THEMIS2: variants seen among roughly 807,000 people sequenced by gnomAD.
THEMIS2 encodes protein THEMIS2.
Under a neutral mutation model 46.8 loss-of-function variants are expected in THEMIS2, and 29 were observed. The ratio of observed to expected loss-of-function variants is 0.62; its 90% confidence interval spans 0.46 to 0.84. THEMIS2 has a LOEUF of 0.84. THEMIS2 is among the 40% of genes least tolerant of loss of function. THEMIS2 has a pLI of 0.00. For missense variants in THEMIS2, 698 were observed against 834.7 expected, an observed-to-expected ratio of 0.84 and a Z score of 2.02; for synonymous variants, 335 against 349.1, an observed-to-expected ratio of 0.96 and a Z score of 0.45.
Position 27,885,962 on chromosome 1 carries a change from G to A in THEMIS2, c.*40G>A. The A allele has an allele frequency of 6.2e-7, 1 of 1,601,248 alleles. No individual in the cohort carries two copies. The highest frequency in any genetic ancestry group is 1.1e-5 in the South Asian group (1 of 90,764). ...ACGCTTCCTAACTGCTGCTTCTCAG[G>A]GAATCCGACACCAGCCAACCATTTT... On this transcript the variant is annotated 3_prime_UTR_variant, in exon 6 of 6. Transcript: ENST00000373921.
In THEMIS2 at chr1:27,882,539, TGAG is replaced by T; in HGVS notation, c.1221_1223del (p.Glu409del). The T allele has an allele frequency of 6.2e-7, 1 of 1,613,850 alleles. No individual in the cohort carries two copies. The highest frequency in any genetic ancestry group is 8.5e-7 in the Non-Finnish European group (1 of 1,179,928). On this transcript the variant is annotated inframe_deletion, in exon 4 of 6. Coordinates refer to ENST00000373921, the MANE Select transcript of THEMIS2 (RefSeq NM_001105556.3). This position sits in a 1 kb window ranked among gnomAD's most constrained non-coding sequence, Gnocchi z 7.6. Reference sequence around the variant, plus strand: ...GGCTGAGTGACCAGGCTGGGGAGGATGAGGAGGAAGAGTGCAAAGAGGAGGCAG... The same window carrying T: ...GGCTGAGTGACCAGGCTGGGGAGGATGAGGAAGAGTGCAAAGAGGAGGCAG...
intron 1 of THEMIS2, among the ~76,000 whole-genome samples, chr1:27,874,542 G>A (rs1052727772): frequency 6.6e-6 from 1 of 151,984 alleles, no homozygotes; most frequent in African/African-American, 2.4e-5. Flanking sequence ...AGCACTTTGG[G>A]AGGCTGAGGC....
At position 27,879,652 on chromosome 1, in the gene THEMIS2, A is replaced by AC; in HGVS notation, c.250dup (p.Leu84ProfsTer8). On this transcript the variant is annotated frameshift_variant, in exon 3 of 6. Transcript: ENST00000373921. LOFTEE classifies it high-confidence loss of function. ...TCTGCTGTCCCCCACAGGCTACTTC[A>AC]CCCCCCTCAACACCCCACAGAGCTA... The AC allele has an allele frequency of 6.3e-7, 1 of 1,588,772 alleles. No homozygotes were observed. Among genetic ancestry groups the AC allele is most frequent in the Non-Finnish European group, 8.6e-7 (1 of 1,164,586 alleles).
Position 27,885,348 on chromosome 1 carries a change from G to A in THEMIS2, c.1773G>A (p.Ala591=), listed in dbSNP as rs149827349. 360 of 1,614,150 alleles carry A rather than the reference G, an allele frequency of 2.2e-4. 2 individuals are homozygous for A. The Middle Eastern group carries it at 6.4e-3, about 29-fold the overall frequency. Residue 591 remains alanine, a synonymous_variant, in exon 5 of 6, where the codon GCG becomes GCA. Coordinates refer to ENST00000373921, the MANE Select transcript of THEMIS2 (RefSeq NM_001105556.3). ...QQHARLPKPK[A]KTLPEFIKDG... is the part of the protein sequence containing the mutation. ...ACGCTCGGCTGCCCAAACCCAAGGC[G>A]AAGACCTTGCCAGAGTTCATCAAGG...
Position 27,872,700 on chromosome 1 carries a change from T to G in THEMIS2, c.94+35T>G, listed in dbSNP as rs895893951. 1 of 1,269,888 alleles carries G rather than the reference T, an allele frequency of 7.9e-7. No homozygotes were observed. The highest frequency in any genetic ancestry group is 1.5e-5 in the African/African-American group (1 of 64,578). 78.7% of individuals were successfully genotyped at this position (1,269,888 alleles called of 1,614,324 possible). A position where few individuals can be genotyped will look rare whatever the true frequency, so the allele number is the denominator to read the frequency against. ...GGCTGGAACCCCTCCGAGCACTCCCTTGGTGTGGGGCGGGGGCAGAGACCC... is the reference window on the plus strand; with the variant it reads ...GGCTGGAACCCCTCCGAGCACTCCCGTGGTGTGGGGCGGGGGCAGAGACCC... On this transcript the variant is annotated intron_variant, in intron 1 of 5. Coordinates refer to ENST00000373921, the MANE Select transcript of THEMIS2 (RefSeq NM_001105556.3). This position sits in a 1 kb window ranked among gnomAD's most constrained non-coding sequence, Gnocchi z 4.9.
chr1:27,883,901 G>C (rs1165934223), intron 4 of THEMIS2: 2 of 152,236 alleles, frequency 1.3e-5, no homozygotes, highest in Non-Finnish European at 2.9e-5. Context: ...AGGCCAGAGA[G>C]GACCTGCTAA....
chr1:27,876,029 G>A, intron 1 of THEMIS2, among the ~76,000 whole-genome samples: 1 of 152,002 alleles, frequency 6.6e-6, no homozygotes, highest in East Asian at 1.9e-4. Context: ...AACCAGGAAA[G>A]CAGAACTTTG....
Position 27,882,951 on chromosome 1 carries a change from C to T in THEMIS2, c.1627C>T (p.Pro543Ser). 6.2e-7 allele frequency: 1 copy of T among 1,613,814 alleles called. No individual in the cohort carries two copies. Among genetic ancestry groups the T allele is most frequent in the South Asian group, 1.1e-5 (1 of 91,042 alleles). ...CTTCTATTATCGTCTTCGGAAGTTA[C>T]CAGCCTGTGAGATCCAAGCCCCCCC... is the stretch of plus-strand genomic sequence containing the variant. ...DTFYYRLRKL[P>S]ACEIQAPPPR... The change falls in exon 4 of 6, where the codon CCA becomes TCA. Residue 543 changes from proline to serine, a missense_variant. Transcript: ENST00000373921. The surrounding 1 kb of genome is among the most constrained non-coding windows in gnomAD (Gnocchi z 7.6).
Position 27,872,598 on chromosome 1 carries a change from C to T in THEMIS2, c.27C>T (p.Phe9=). 6.7e-7 allele frequency: 1 copy of T among 1,489,742 alleles called. No homozygotes were observed. The highest frequency in any genetic ancestry group is 8.9e-7 in the Non-Finnish European group (1 of 1,121,572). 92.3% of individuals were successfully genotyped at this position (1,489,742 alleles called of 1,614,324 possible). A position where few individuals can be genotyped will look rare whatever the true frequency, so the allele number is the denominator to read the frequency against. ...TGGAGCCGGTGCCGCTGCAGGACTT[C>T]GTGCGCGCCTTGGACCCCGCCTCCC... MEPVPLQD[F]VRALDPASLP... The change falls in exon 1 of 6, where the codon TTC becomes TTT. Residue 9 remains phenylalanine, a synonymous_variant. Transcript: ENST00000373921. The surrounding 1 kb of genome is among the most constrained non-coding windows in gnomAD (Gnocchi z 4.9).
At position 27,885,939 on chromosome 1, in the gene THEMIS2, G is replaced by A. The variant is rs76203832; in HGVS notation, c.*17G>A. ...ACCATCTAAGTGCTGGAGGAACCACGCTTCCTAACTGCTGCTTCTCAGGGA... is the reference window on the plus strand; with the variant it reads ...ACCATCTAAGTGCTGGAGGAACCACACTTCCTAACTGCTGCTTCTCAGGGA... On this transcript the variant is annotated 3_prime_UTR_variant, in exon 6 of 6. Transcript: ENST00000373921. 2.7e-3 allele frequency: 4,378 copies of A among 1,613,194 alleles called. 95 individuals carry two copies. In the African/African-American group the frequency reaches 0.049, roughly 18 times the overall value.
At chr1:27,874,777 C>T (rs1370720665) in intron 1 of THEMIS2, among the ~76,000 whole-genome samples, 1 of 151,844 alleles carries the variant, frequency 6.6e-6, no homozygotes, top group African/African-American at 2.4e-5. Context: ...GAGACTCTGT[C>T]TCGAAAAAAA....
chr1:27,877,562 C>T (rs1055374626), intron 2 of THEMIS2, among the ~76,000 whole-genome samples: 3 of 152,058 alleles, frequency 2.0e-5, no homozygotes, highest in Non-Finnish European at 2.9e-5. Context: ...CTCCTGACCT[C>T]GTGATCTGCC....
intron 2 of THEMIS2, among the ~76,000 whole-genome samples, chr1:27,877,425 C>A (rs891766977): frequency 1.9e-4 from 29 of 152,092 alleles, no homozygotes; most frequent in Admixed American, 1.7e-3. Flanking sequence ...TCCCGGGTTC[C>A]CACCATTCTA....
chr1:27,884,228 G>A (rs2089731779), intron 4 of THEMIS2: 2 of 152,350 alleles, frequency 1.3e-5, no homozygotes, highest in South Asian at 4.1e-4. Flanking sequence ...CAGCCAACAA[G>A]TGGCAGGGCC....
rs151326930 is a variant in THEMIS2 at position 27,879,597 on chromosome 1, C to A, written c.236-47C>A. On this transcript the variant is annotated intron_variant, in intron 2 of 5. Transcript: ENST00000373921. The stretch of plus-strand genomic sequence containing the variant: ...CTGGACCTGACAAAGGCCTGCCCCA[C>A]CCTGACACCCCACAGTGACCTGCCT... 212 of 1,524,558 alleles carry A rather than the reference C, an allele frequency of 1.4e-4. 3 individuals carry two copies. The East Asian group carries it at 4.5e-3, about 32-fold the overall frequency. 94.4% of individuals were successfully genotyped at this position (1,524,558 alleles called of 1,614,324 possible).
At chr1:27,880,374 C>CG (rs1359199483) in intron 3 of THEMIS2, among the ~76,000 whole-genome samples, 1 of 152,018 alleles carries the variant, frequency 6.6e-6, no homozygotes, top group African/African-American at 2.4e-5. Context: ...TTAGTAGAAA[C>CG]GGAGTGTCAC....
chr1:27,872,603 G>A lies in THEMIS2; in HGVS notation c.32G>A (p.Arg11His), dbSNP rs2089506628. The change falls in exon 1 of 6, where the codon CGC (arginine) becomes CAC (histidine). Residue 11 changes from arginine to histidine, a missense_variant. Transcript: ENST00000373921. The surrounding 1 kb of genome is among the most constrained non-coding windows in gnomAD (Gnocchi z 4.9). ...CCGGTGCCGCTGCAGGACTTCGTGC[G>A]CGCCTTGGACCCCGCCTCCCTCCCG... MEPVPLQDFV[R>H]ALDPASLPRV... The A allele has an allele frequency of 6.1e-6, 9 of 1,487,056 alleles. No individual in the cohort carries two copies. The highest frequency in any genetic ancestry group is 1.3e-5 in the South Asian group (1 of 79,656). 92.1% of individuals were successfully genotyped at this position (1,487,056 alleles called of 1,614,324 possible).
At position 27,886,646 on chromosome 1, in the gene THEMIS2, T is replaced by C. The variant is rs6565; in HGVS notation, c.*724T>C. ...CCAAGATTATTTCATTTTAAAACCA[T>C]AGAATAAAAATGACACCTGAGCTTC... On this transcript the variant is annotated 3_prime_UTR_variant, in exon 6 of 6. Transcript: ENST00000373921. The C allele has an allele frequency of 0.44, 66,343 of 152,038 alleles. 15,066 individuals are homozygous for C. Among genetic ancestry groups the C allele is most frequent in the African/African-American group, 0.57 (23,640 of 41,464 alleles). The allele number at this position is 152,038 out of a possible 1,614,324, so 9.4% of individuals were successfully genotyped here.
chr1:27,885,240 G>A (rs1428247074), intron 4 of THEMIS2, 55 bp from the exon 5 acceptor site: 2 of 1,585,270 alleles, frequency 1.3e-6, no homozygotes, highest in Non-Finnish European at 1.7e-6. Flanking sequence ...GTTTTTCATG[G>A]ACTCTGCTTC....
Sources: allele counts gnomAD v4.1 joint callset (sites outside exome capture counted in the v4.1 genomes callset), GRCh38; gene constraint gnomAD v4.1.1; non-coding constraint Gnocchi (gnomAD v3.1); transcripts MANE v1.5; gene names NCBI Gene and HGNC (gene_info 2026-07-23, HGNC 2026-07-21).